Variants in TENM2 observed in about 807,000 individuals in gnomAD.
The protein encoded by TENM2 is teneurin transmembrane protein 2, also known as teneurin-2.
In TENM2, 52 loss-of-function variants were observed where a neutral mutation model predicts 245.2. That is an observed-to-expected ratio of 0.21 (90% confidence interval 0.17 to 0.27). The LOEUF (loss-of-function observed/expected upper bound fraction) is 0.27, where lower values mean the gene tolerates loss of function less well. Among genes scored for constraint, TENM2 ranks in the 10% least tolerant of loss-of-function variants. The pLI, the probability that TENM2 is intolerant of heterozygous loss-of-function variation, is 1.00. For missense variants in TENM2, 3,046 were observed against 3,666.8 expected, an observed-to-expected ratio of 0.83 and a Z score of 4.37; for synonymous variants, 1,363 against 1,438.9, an observed-to-expected ratio of 0.95 and a Z score of 1.19.
intron 2 of TENM2, among the ~76,000 whole-genome samples, chr5:167,706,972 G>C (rs1467429763): frequency 1.5e-5 from 2 of 135,532 alleles, no homozygotes; most frequent in East Asian, 2.2e-4. Flanking sequence ...CCGAGATCGC[G>C]CCACTGCACT....
At chr5:167,498,727 A>G (rs1272679608) in intron 2 of TENM2, among the ~76,000 whole-genome samples, 1 of 152,068 alleles carries the variant, frequency 6.6e-6, no homozygotes, top group Non-Finnish European at 1.5e-5. Flanking sequence ...ATGACAAAAC[A>G]TGAATTAAGA....
intron 2 of TENM2, among the ~76,000 whole-genome samples, chr5:167,699,592 A>G (rs1279040452): frequency 6.6e-6 from 1 of 152,206 alleles, no homozygotes. Flanking sequence ...AGATAGAACT[A>G]GAACAATGCC....
intron 27 of TENM2, among the ~76,000 whole-genome samples, chr5:168,257,904 G>A (rs369274167): frequency 4.4e-4 from 67 of 152,220 alleles, no homozygotes; most frequent in African/African-American, 1.5e-3. Flanking sequence ...GTGAGCCACC[G>A]TGCCCGGCCA....
At chr5:167,747,319 G>A (rs973994296) in intron 2 of TENM2, among the ~76,000 whole-genome samples, 16 of 152,088 alleles carry the variant, frequency 1.1e-4, no homozygotes, top group Admixed American at 9.2e-4. Context: ...TTCCTTCTGG[G>A]TCTTCTTAAA....
chr5:167,005,646 T>G, the TENM2 span, among the ~76,000 whole-genome samples: 1 of 146,958 alleles, frequency 6.8e-6, no homozygotes, highest in Middle Eastern at 3.2e-3. Context: ...TTGTTTTTTC[T>G]GTGTGTGGGT....
intron 2 of TENM2, among the ~76,000 whole-genome samples, chr5:167,627,207 A>G (rs1046301861): frequency 5.9e-5 from 9 of 152,188 alleles, no homozygotes; most frequent in Non-Finnish European, 1.3e-4. Flanking sequence ...GATTGAATTC[A>G]GTGCAATTAC....
At chr5:167,956,545 G>T (rs1583481131) in intron 4 of TENM2, among the ~76,000 whole-genome samples, 2 of 152,138 alleles carry the variant, frequency 1.3e-5, no homozygotes, top group Non-Finnish European at 2.9e-5. Flanking sequence ...TCCTTGTCTT[G>T]TGCCGGTTTT....
chr5:167,116,567 G>A, the TENM2 span: 2 of 152,118 alleles, frequency 1.3e-5, no homozygotes, highest in African/African-American at 4.8e-5. Context: ...CATTTGGATT[G>A]AATCATTAAA....
intron 2 of TENM2, among the ~76,000 whole-genome samples, chr5:167,498,792 T>A (rs888717277): frequency 2.6e-5 from 4 of 152,148 alleles, no homozygotes; most frequent in Non-Finnish European, 4.4e-5. Flanking sequence ...AATTTTCAAA[T>A]GTCTCACCAC....
intron 1 of TENM2, among the ~76,000 whole-genome samples, chr5:167,286,270 T>A (rs1006902567): frequency 4.6e-5 from 7 of 152,236 alleles, no homozygotes; most frequent in Admixed American, 4.6e-4. Context: ...ACAATTTTTA[T>A]TTAATCTTCC....
chr5:167,661,915 T>C (rs1190841839), intron 2 of TENM2, among the ~76,000 whole-genome samples: 3 of 152,226 alleles, frequency 2.0e-5, no homozygotes. Flanking sequence ...TTCACCTTCT[T>C]AGTTATCCTC....
chr5:168,259,063 G>GT (rs112719062), intron 27 of TENM2, among the ~76,000 whole-genome samples: 6,640 of 152,186 alleles, frequency 0.044, 197 homozygotes, highest in African/African-American at 0.075. Flanking sequence ...GCGGGCACCT[G>GT]TAATCCCAGC....
intron 2 of TENM2, among the ~76,000 whole-genome samples, chr5:167,809,949 G>A (rs1206584952): frequency 6.6e-6 from 1 of 152,120 alleles, no homozygotes; most frequent in Non-Finnish European, 1.5e-5. Flanking sequence ...CCAGTCAATA[G>A]AGATTTTCTT....
chr5:166,988,541 G>A, the TENM2 span, among the ~76,000 whole-genome samples: 1 of 152,096 alleles, frequency 6.6e-6, no homozygotes, highest in Non-Finnish European at 1.5e-5. Context: ...ATACATCTGT[G>A]CAATTTGAAT....
At chr5:167,279,772 A>G in the TENM2 span, among the ~76,000 whole-genome samples, 11 of 151,870 alleles carry the variant, frequency 7.2e-5, no homozygotes, top group African/African-American at 2.4e-4. Context: ...GAGAATTTCT[A>G]TTTCTTTGAT....
At chr5:168,098,266 G>A in intron 9 of TENM2, 139 bp downstream of exon 11, 7 of 653,378 alleles carry the variant, frequency 1.1e-5, no homozygotes, top group Non-Finnish European at 1.9e-5. Flanking sequence ...ATGCCAGAAG[G>A]CATAAGCCTT....
intron 1 of TENM2, among the ~76,000 whole-genome samples, chr5:167,305,333 G>C (rs1409075500): frequency 6.6e-6 from 1 of 152,180 alleles, no homozygotes; most frequent in Admixed American, 6.5e-5. Flanking sequence ...GCCAATCCCT[G>C]AGTGAAAGCT....
intron 2 of TENM2, among the ~76,000 whole-genome samples, chr5:167,851,603 A>G (rs1042478765): frequency 2.6e-5 from 4 of 152,180 alleles, no homozygotes; most frequent in African/African-American, 7.2e-5. Flanking sequence ...TTGACTATAA[A>G]GAATAAAAAA....
At chr5:167,967,349 C>T (rs531947122) in intron 4 of TENM2, among the ~76,000 whole-genome samples, 8 of 152,240 alleles carry the variant, frequency 5.3e-5, no homozygotes, top group South Asian at 2.1e-4. Context: ...TAAACACACT[C>T]GAACCCATTA....
Sources: gnomAD v4.1 joint callset for allele counts (sites outside exome capture counted in the v4.1 genomes callset) on GRCh38, gnomAD v4.1.1 for gene constraint, MANE v1.5 for transcripts, NCBI Gene and HGNC (gene_info 2026-07-23, HGNC 2026-07-21) for gene names.